Variants in TBC1D32 observed in about 807,000 individuals in gnomAD.
TBC1D32 encodes the protein TBC1 domain family member 32.
TBC1D32 carries 151 observed loss-of-function variants against 170.3 expected under a neutral mutation model. The observed-to-expected ratio is 0.89, with a 90% CI of 0.78 to 1.01. The LOEUF is 1.01. Ranked by LOEUF, TBC1D32 falls within the 50% of genes least tolerant of loss-of-function variation. TBC1D32 has a pLI of 0.00. For missense variants in TBC1D32, 1,464 were observed against 1,457.1 expected, an observed-to-expected ratio of 1.00 and a Z score of -0.08; for synonymous variants, 498 against 488.0, an observed-to-expected ratio of 1.02 and a Z score of -0.27.
At chr6:121,304,733 T>C in intron 6 of TBC1D32, 22 bp downstream of exon 6, 1 of 1,566,494 alleles carries the variant, frequency 6.4e-7, no homozygotes, top group Middle Eastern at 1.7e-4. Flanking sequence ...AAAAACATTT[T>C]TAAATGTTTT....
chr6:121,148,572 CA>C (rs1292532362), intron 24 of TBC1D32, among the ~76,000 whole-genome samples: 1 of 152,080 alleles, frequency 6.6e-6, no homozygotes, highest in East Asian at 1.9e-4. Flanking sequence ...CCATCTTCCA[CA>C]ACGGTTGAAG....
At chr6:121,318,289 T>C (rs1370772206) in intron 2 of TBC1D32, among the ~76,000 whole-genome samples, 1 of 152,060 alleles carries the variant, frequency 6.6e-6, no homozygotes, top group African/African-American at 2.4e-5. Context: ...TGGATAATAT[T>C]TAAAATCTCT....
chr6:121,135,419 T>C (rs1050801702), intron 24 of TBC1D32, among the ~76,000 whole-genome samples: 2 of 152,136 alleles, frequency 1.3e-5, no homozygotes, highest in Non-Finnish European at 1.5e-5. Flanking sequence ...GGATAAAATA[T>C]ATCAAATAAC....
intron 30 of TBC1D32, among the ~76,000 whole-genome samples, chr6:121,098,907 G>C (rs986652747): frequency 3.0e-4 from 46 of 151,610 alleles, no homozygotes; most frequent in African/African-American, 1.0e-3. Flanking sequence ...AACATGAAGA[G>C]AGTGAAGACA....
At chr6:121,196,955 A>G (rs1790813296) in intron 22 of TBC1D32, among the ~76,000 whole-genome samples, 1 of 152,188 alleles carries the variant, frequency 6.6e-6, no homozygotes, top group African/African-American at 2.4e-5. Flanking sequence ...CCACAAGATT[A>G]CATTCTCTTG....
chr6:121,301,479 T>C (rs961109407), intron 9 of TBC1D32, among the ~76,000 whole-genome samples: 13 of 151,722 alleles, frequency 8.6e-5, no homozygotes, highest in African/African-American at 3.2e-4. Context: ...TAAGTGAGAG[T>C]TGAGCAATGA....
chr6:121,288,638 C>G (rs139632263), intron 12 of TBC1D32, among the ~76,000 whole-genome samples: 7,721 of 152,256 alleles, frequency 0.051, 369 homozygotes, highest in African/African-American at 0.12. Flanking sequence ...AGGGAATCCT[C>G]TCTAACTCAT....
In TBC1D32 at chr6:121,107,127, A is replaced by G. The variant is rs562732282; in HGVS notation, c.3325-964T>C. 9.2e-5 allele frequency among the ~76,000 whole-genome samples: 14 copies of G among 152,094 alleles called. No homozygotes were observed. The South Asian group carries it at 2.5e-3, about 27-fold the overall frequency. On this transcript the variant is annotated intron_variant, in intron 29 of 31. Transcript: ENST00000398212. ...CATCTTATCTTCTTGCTTTTACTGG[A>G]CAAATCTTATTTTCAAACTTTTTAA... is the stretch of plus-strand genomic sequence containing the variant.
chr6:121,133,085 T>C (rs773650967), intron 24 of TBC1D32, among the ~76,000 whole-genome samples: 1 of 151,894 alleles, frequency 6.6e-6, no homozygotes, highest in Non-Finnish European at 1.5e-5. Context: ...CTTAATTGTT[T>C]CTGCTCTAAA....
chr6:121,299,711 G>C (rs1310861655), intron 9 of TBC1D32, among the ~76,000 whole-genome samples: 1 of 151,948 alleles, frequency 6.6e-6, no homozygotes, highest in Non-Finnish European at 1.5e-5. Context: ...AAAACTTGCA[G>C]ATCATTTAGT....
At chr6:121,272,317 G>A (rs1464676503) in intron 15 of TBC1D32, among the ~76,000 whole-genome samples, 1 of 152,082 alleles carries the variant, frequency 6.6e-6, no homozygotes, top group African/African-American at 2.4e-5. Flanking sequence ...AGAGTGAACA[G>A]GCAACCTACA....
intron 1 of TBC1D32, among the ~76,000 whole-genome samples, chr6:121,333,578 A>G (rs1436062630): frequency 6.6e-6 from 1 of 152,182 alleles, no homozygotes; most frequent in Non-Finnish European, 1.5e-5. Context: ...CACTTAAAAT[A>G]TCAGCAGATA....
At chr6:121,305,674 T>C (rs753660130) in intron 5 of TBC1D32, among the ~76,000 whole-genome samples, 2 of 152,034 alleles carry the variant, frequency 1.3e-5, no homozygotes, top group Non-Finnish European at 2.9e-5. Flanking sequence ...CTTTGGGAAG[T>C]CTATTTTTAT....
At chr6:121,279,369 A>C in intron 14 of TBC1D32, 124 bp from the exon 15 acceptor site, 2 of 1,142,782 alleles carry the variant, frequency 1.8e-6, no homozygotes, top group Non-Finnish European at 2.5e-6. Context: ...AACAAGCTTA[A>C]TGATTTGTTT....
intron 22 of TBC1D32, among the ~76,000 whole-genome samples, chr6:121,186,193 T>G (rs1789187078): frequency 6.6e-6 from 1 of 152,120 alleles, no homozygotes; most frequent in Non-Finnish European, 1.5e-5. Flanking sequence ...TATTCCTAAA[T>G]CAATAGCAGA....
intron 25 of TBC1D32, among the ~76,000 whole-genome samples, 169 bp downstream of exon 25, chr6:121,131,458 A>C (rs1306615981): frequency 6.6e-6 from 1 of 152,030 alleles, no homozygotes. Flanking sequence ...GTAGTGTCTC[A>C]TATTTTAATT....
At chr6:121,197,057 A>G (rs1790822768) in intron 22 of TBC1D32, among the ~76,000 whole-genome samples, 3 of 152,200 alleles carry the variant, frequency 2.0e-5, no homozygotes, top group Admixed American at 2.0e-4. Context: ...TGCCACCTGG[A>G]TACTTTGGGT....
intron 1 of TBC1D32, among the ~76,000 whole-genome samples, chr6:121,327,163 C>G (rs1336369435): frequency 6.6e-6 from 1 of 151,894 alleles, no homozygotes; most frequent in Non-Finnish European, 1.5e-5. Context: ...AAAAAACTAC[C>G]TATCAAAATA....
intron 2 of TBC1D32, among the ~76,000 whole-genome samples, chr6:121,319,209 G>C (rs80184355): frequency 6.6e-6 from 1 of 151,892 alleles, no homozygotes; most frequent in Non-Finnish European, 1.5e-5. Flanking sequence ...GAACCGCTAG[G>C]GGGAGAAACA....
Sources: allele counts gnomAD v4.1 joint callset (sites outside exome capture counted in the v4.1 genomes callset), GRCh38; gene constraint gnomAD v4.1.1; transcripts MANE v1.5; gene names NCBI Gene and HGNC (gene_info 2026-07-23, HGNC 2026-07-21).